The following NSD1 variants were observed in gnomAD, a reference collection of about 807,000 sequenced individuals.
NSD1 encodes the protein histone-lysine N-methyltransferase, H3 lysine-36 specific.
Under a neutral mutation model 242.7 loss-of-function variants are expected in NSD1, and 26 were observed. The ratio of observed to expected loss-of-function variants is 0.11; its 90% CI spans 0.08 to 0.15. The LOEUF (loss-of-function observed/expected upper bound fraction) is 0.15, where lower values mean the gene tolerates loss of function less well. Among genes scored for constraint, NSD1 ranks in the 10% least tolerant of loss-of-function variants. NSD1 has a pLI of 1.00. For missense variants in NSD1, 2,495 were observed against 3,272.8 expected (o/e 0.76, Z 5.80); for synonymous variants, 1,106 against 1,178.1 (o/e 0.94, Z 1.25).
At chr5:177,224,945 G>A (rs1363326668) in intron 5 of NSD1, among the ~76,000 whole-genome samples, 1 of 151,920 alleles carries the variant, frequency 6.6e-6, no homozygotes, top group Non-Finnish European at 1.5e-5. Context: ...TCCATATGAT[G>A]TATTATATTG....
chr5:177,132,451 A>G (rs1024561431), upstream of NSD1, among the ~76,000 whole-genome samples: 14 of 151,708 alleles, frequency 9.2e-5, no homozygotes, highest in African/African-American at 3.4e-4. This position sits in a 1 kb window ranked among gnomAD's most constrained non-coding sequence, Gnocchi z 7.5. Context: ...GACCTTGACT[A>G]GGCGCGGGAG....
rs780855958 is a variant in NSD1, at chr5:177,211,336, C to T, written c.2937C>T (p.Ser979=). Residue 979 remains serine, a synonymous_variant, in exon 5 of 23, where the codon AGC becomes AGT. Coordinates refer to ENST00000439151, the MANE Select transcript of NSD1 (RefSeq NM_022455.5). ...GDGTQNSANP[S]PSGGDSALSG... ...GCACTCAGAACTCCGCCAATCCTAG[C>T]CCTAGTGGGGGTGACTCTGCATTAT... The T allele has an allele frequency of 1.9e-6, 3 of 1,613,986 alleles. No homozygotes were observed. In the African/African-American group the frequency reaches 4.0e-5, roughly 22 times the overall value.
intron 2 of NSD1, among the ~76,000 whole-genome samples, chr5:177,180,368 A>C (rs1284487899): frequency 6.6e-6 from 1 of 152,082 alleles, no homozygotes; most frequent in Admixed American, 6.6e-5. Context: ...GGCCTCCCAA[A>C]GTGCTGGGAT....
chr5:177,169,258 T>G (rs1442407420), intron 2 of NSD1: 2 of 155,908 alleles, frequency 1.3e-5, no homozygotes, highest in Non-Finnish European at 2.8e-5. Flanking sequence ...TAAAATCCAC[T>G]TTTCATTGCA....
At chr5:177,151,207 A>G (rs569251869) in intron 2 of NSD1, among the ~76,000 whole-genome samples, 1 of 152,136 alleles carries the variant, frequency 6.6e-6, no homozygotes, top group East Asian at 2.0e-4. Flanking sequence ...CCAAACCCCT[A>G]TCTACTAAAA....
intron 14 of NSD1, among the ~76,000 whole-genome samples, chr5:177,264,205 T>G (rs1757234645): frequency 6.6e-6 from 1 of 152,076 alleles, no homozygotes. Context: ...CCAGCTAATT[T>G]TTTGTATTTT....
chr5:177,279,610 A>ATTTTTTTTTTTT (rs536478404), intron 17 of NSD1, among the ~76,000 whole-genome samples: 2 of 95,416 alleles, frequency 2.1e-5, no homozygotes, highest in African/African-American at 3.9e-5. Flanking sequence ...AGCTTTGAAA[A>ATTTTTTTTTTTT]TTTTTTTTTT....
chr5:177,186,100 AT>A (rs1255018247), intron 2 of NSD1, among the ~76,000 whole-genome samples: 1 of 118,506 alleles, frequency 8.4e-6, no homozygotes, highest in African/African-American at 3.2e-5. Context: ...TATAACATAT[AT>A]TATATTATAT....
intron 9 of NSD1, among the ~76,000 whole-genome samples, chr5:177,245,447 A>T (rs1239903361): frequency 2.0e-5 from 3 of 152,022 alleles, no homozygotes; most frequent in Non-Finnish European, 4.4e-5. Flanking sequence ...AGCTTCTCCA[A>T]CTCAATCAGG....
chr5:177,185,172 T>A (rs1235121705), intron 2 of NSD1, among the ~76,000 whole-genome samples: 2 of 152,150 alleles, frequency 1.3e-5, no homozygotes, highest in Non-Finnish European at 2.9e-5. Flanking sequence ...CAGCAAGTTT[T>A]TCTAAAAAAC....
chr5:177,210,225 C>G lies in NSD1; in HGVS notation c.1826C>G (p.Pro609Arg). The change falls in exon 5 of 23, where the codon CCC becomes CGC. Residue 609 changes from proline (P) to arginine (R), a missense_variant. Around this residue, in one of 19 missense-constraint regions of NSD1, gnomAD observed 515 missense variants for 467.0 expected, o/e 1.10. Transcript: ENST00000439151. ...AAGTGTTCTCGAGAGAAGAATAAAC[C>G]CCAACGAAGCCTGGTGTGTGGTTCA... Reference protein sequence around the residue: ...ISKCSREKNKPQRSLVCGSKV... With the variant: ...ISKCSREKNKRQRSLVCGSKV... The G allele has an allele frequency of 6.3e-7, 1 of 1,594,296 alleles. No individual in the cohort carries two copies. The highest frequency in any genetic ancestry group is 2.2e-5 in the East Asian group (1 of 44,660).
At chr5:177,168,927 G>T (rs1759462593) in intron 2 of NSD1, among the ~76,000 whole-genome samples, 1 of 152,192 alleles carries the variant, frequency 6.6e-6, no homozygotes, top group African/African-American at 2.4e-5. Context: ...CAATATGGAG[G>T]ATGAGGCAAA....
chr5:177,145,223 T>C (rs190444063), intron 2 of NSD1, among the ~76,000 whole-genome samples: 82 of 152,218 alleles, frequency 5.4e-4, no homozygotes, highest in African/African-American at 1.8e-3. Context: ...CCCCTTTTTT[T>C]CCCTTTTGGT....
upstream of NSD1, among the ~76,000 whole-genome samples, chr5:177,131,871 G>A (rs1755912098): frequency 6.6e-6 from 1 of 152,212 alleles, no homozygotes; most frequent in East Asian, 1.9e-4. Flanking sequence ...TATGGCGGCC[G>A]GATCCGGCTT....
At chr5:177,132,583 C>T (rs1755954039), upstream of NSD1, among the ~76,000 whole-genome samples, 2 of 151,886 alleles carry the variant, frequency 1.3e-5, no homozygotes, top group Non-Finnish European at 2.9e-5. This position sits in a 1 kb window ranked among gnomAD's most constrained non-coding sequence, Gnocchi z 7.5. Context: ...GGGCTGGGGA[C>T]TCGGCCTCCC....
rs587784074 is a variant in NSD1, at chr5:177,209,870, G to A, written c.1471G>A (p.Glu491Lys). 12 of 1,614,000 alleles carry A rather than the reference G, an allele frequency of 7.4e-6. No individual in the cohort carries two copies. Among genetic ancestry groups the A allele is most frequent in the Non-Finnish European group, 1.0e-5 (12 of 1,180,022 alleles). Residue 491 changes from glutamate to lysine, a missense_variant, in exon 5 of 23, where the codon GAA becomes AAA. By Grantham distance (56) the Glu-to-Lys change is moderately conservative. Transcript: ENST00000439151. ...TTCTGAACATTCTGCAGATGAGAAGGAAAAGCCTTGCGCTAAATCTCGAGC... is the reference window on the plus strand; with the variant it reads ...TTCTGAACATTCTGCAGATGAGAAGAAAAAGCCTTGCGCTAAATCTCGAGC... The part of the protein sequence containing the change: ...FDSEHSADEK[E>K]KPCAKSRARK...
chr5:177,252,647 G>A (rs955490939), intron 12 of NSD1, among the ~76,000 whole-genome samples: 1 of 144,880 alleles, frequency 6.9e-6, no homozygotes, highest in Non-Finnish European at 1.5e-5. Context: ...GAGCTCCTGG[G>A]CTCAAGCAAT....
intron 4 of NSD1, among the ~76,000 whole-genome samples, chr5:177,205,368 T>TA (rs1221693752): frequency 1.3e-5 from 2 of 152,112 alleles, no homozygotes; most frequent in African/African-American, 2.4e-5. Flanking sequence ...TTTTCTTTTT[T>TA]ATGTTTGTCA....
At chr5:177,161,459 T>C (rs1424995788) in intron 2 of NSD1, among the ~76,000 whole-genome samples, 1 of 151,940 alleles carries the variant, frequency 6.6e-6, no homozygotes, top group Non-Finnish European at 1.5e-5. Flanking sequence ...AAGGTGTAGA[T>C]AGACCTTTCC....
Sources: allele counts gnomAD v4.1 joint callset (sites outside exome capture counted in the v4.1 genomes callset), GRCh38; gene constraint gnomAD v4.1.1; regional missense constraint gnomAD v4.1.1; non-coding constraint Gnocchi (gnomAD v3.1); transcripts MANE v1.5; gene names NCBI Gene and HGNC (gene_info 2026-07-23, HGNC 2026-07-21).